Variants in KCTD1 observed in about 807,000 individuals in gnomAD.
The protein encoded by KCTD1 is BTB/POZ domain-containing protein KCTD1.
Under a neutral mutation model 66.0 loss-of-function variants are expected in KCTD1, and 24 were observed. That is an observed-to-expected ratio of 0.36 (90% CI 0.26 to 0.51). The LOEUF is 0.51. KCTD1 is among the 20% of genes least tolerant of loss of function. KCTD1 has a pLI of 0.95. For synonymous variants in KCTD1, 511 were observed against 517.2 expected (o/e 0.99, Z 0.16); for missense variants, 943 against 1,205.2 (o/e 0.78, Z 3.22).
At chr18:26,577,265 A>G (rs1268431714) in intron 1 of KCTD1, among the ~76,000 whole-genome samples, 1 of 152,162 alleles carries the variant, frequency 6.6e-6, no homozygotes, top group African/African-American at 2.4e-5. Context: ...AAGGTTTATG[A>G]TATTTACATC....
At position 26,547,336 on chromosome 18, in the gene KCTD1, G is replaced by T. The variant is rs1290280590; in HGVS notation, c.1201C>A (p.Leu401Ile). ...FVKYLSKRNPLCKAFFQRPRD... is the reference protein window; with the variant it reads ...FVKYLSKRNPICKAFFQRPRD... ...GGCCGCTGGAAGAACGCCTTGCAGA[G>T]AGGGTTGCGTTTCGACAGGTACTTG... The change falls in exon 1 of 5, where the codon CTC (leucine) becomes ATC (isoleucine). Residue 401 changes from leucine (L) to isoleucine (I), a missense_variant. Physicochemically the swap from Leu to Ile is conservative, Grantham distance 5. Transcript: ENST00000580059. 2 of 1,551,616 alleles carry T rather than the reference G, an allele frequency of 1.3e-6. No individual in the cohort carries two copies. Among genetic ancestry groups the T allele is most frequent in the Middle Eastern group, 3.3e-4 (2 of 5,990 alleles).
intron 1 of KCTD1, among the ~76,000 whole-genome samples, chr18:26,656,603 G>C (rs1205265411): frequency 6.6e-6 from 1 of 151,440 alleles, no homozygotes. Flanking sequence ...GTCCGGCCCG[G>C]GCAAAAGGGG....
At chr18:26,605,724 ATATCTATCTATCTATCTATC>A (rs10680402) in intron 1 of KCTD1, among the ~76,000 whole-genome samples, 8 of 136,044 alleles carry the variant, frequency 5.9e-5, no homozygotes, top group African/African-American at 1.4e-4. Context: ...ATATATCTCT[ATATCTATCTATCTATCTATC>A]TATCTATCTA....
intron 1 of KCTD1, among the ~76,000 whole-genome samples, chr18:26,612,063 C>T (rs2438418): frequency 0.29 from 43,591 of 151,950 alleles, 6,310 homozygotes; most frequent in South Asian, 0.36. Flanking sequence ...CCTGTGTGAG[C>T]ACTGGGCACG....
At chr18:26,549,883 C>A, upstream of KCTD1, 1 of 855,946 alleles carries the variant, frequency 1.2e-6, no homozygotes, top group Non-Finnish European at 1.4e-6. Flanking sequence ...CAAACGCCCG[C>A]CCCCGGCGCG....
At chr18:26,622,480 C>T (rs1568012539) in intron 1 of KCTD1, among the ~76,000 whole-genome samples, 1 of 152,178 alleles carries the variant, frequency 6.6e-6, no homozygotes, top group Admixed American at 6.5e-5. Context: ...CTGAATGTCA[C>T]CTACACCCAA....
intron 1 of KCTD1, among the ~76,000 whole-genome samples, chr18:26,595,357 T>C (rs1986742321): frequency 6.6e-6 from 1 of 152,208 alleles, no homozygotes; most frequent in Non-Finnish European, 1.5e-5. Context: ...TCTCCATTCT[T>C]CAGTAGAAAC....
At chr18:26,603,516 G>A (rs7242496) in intron 1 of KCTD1, among the ~76,000 whole-genome samples, 10,256 of 151,628 alleles carry the variant, frequency 0.068, 401 homozygotes, top group South Asian at 0.14. Context: ...CGAGGTGGGC[G>A]GATCACCTGA....
At chr18:26,526,736 C>T (rs551792018) in intron 1 of KCTD1, among the ~76,000 whole-genome samples, 1 of 152,178 alleles carries the variant, frequency 6.6e-6, no homozygotes, top group Admixed American at 6.5e-5. Flanking sequence ...GAGCCAATCC[C>T]ACTTGAGAAA....
intron 1 of KCTD1, among the ~76,000 whole-genome samples, chr18:26,516,696 T>C (rs1470169791): frequency 6.6e-6 from 1 of 152,194 alleles, no homozygotes; most frequent in Non-Finnish European, 1.5e-5. Flanking sequence ...CCACAGTACT[T>C]CATGAAATCC....
In KCTD1 at chr18:26,656,026, G is replaced by A. The variant is rs184535879; in HGVS notation, c.9+1334C>T. On this transcript the variant is annotated intron_variant, in intron 1 of 4. Transcript: ENST00000580191. ...CACTTCACATTCAATAAAGAAGGGT[G>A]GCGGGAGTGGGTAGGGGGGCGGCGG... 3.0e-3 allele frequency among the ~76,000 whole-genome samples: 462 copies of A among 152,310 alleles called. 2 individuals carry two copies. The highest frequency in any genetic ancestry group is 0.01 in the African/African-American group (425 of 41,580).
upstream of KCTD1, among the ~76,000 whole-genome samples, chr18:26,630,617 G>C (rs562741294): frequency 6.6e-6 from 1 of 152,236 alleles, no homozygotes; most frequent in African/African-American, 2.4e-5. Context: ...TTATAGGCAT[G>C]AGCCACTGTG....
chr18:26,528,901 A>C (rs1039088865), intron 1 of KCTD1, among the ~76,000 whole-genome samples: 1 of 152,104 alleles, frequency 6.6e-6, no homozygotes, highest in African/African-American at 2.4e-5. Context: ...CAGTTTCTTG[A>C]GGCCCTCTTC....
chr18:26,618,097 T>TAA (rs1295160624), intron 1 of KCTD1, among the ~76,000 whole-genome samples: 8 of 146,364 alleles, frequency 5.5e-5, no homozygotes, highest in African/African-American at 1.0e-4. Context: ...GACCTAGGTT[T>TAA]AAAAAAAAAC....
chr18:26,457,881 A>ATATC (rs999228070), intron 4 of KCTD1: 1 of 152,182 alleles, frequency 6.6e-6, no homozygotes, highest in Non-Finnish European at 1.5e-5. Flanking sequence ...GAAAATTTCC[A>ATATC]TATCTGATGT....
intron 1 of KCTD1, among the ~76,000 whole-genome samples, chr18:26,570,191 A>AAAAT (rs776923644): frequency 0.016 from 2,126 of 132,502 alleles, 26 homozygotes; most frequent in Middle Eastern, 0.038. Context: ...ATCTAAAAAA[A>AAAAT]ATATATATAT....
intron 2 of KCTD1, among the ~76,000 whole-genome samples, chr18:26,477,469 G>A (rs1981409386): frequency 6.6e-6 from 1 of 152,200 alleles, no homozygotes; most frequent in Admixed American, 6.5e-5. Context: ...TATATACTCA[G>A]TTAATACAAG....
At chr18:26,585,268 T>G (rs947383635) in intron 1 of KCTD1, among the ~76,000 whole-genome samples, 2 of 152,206 alleles carry the variant, frequency 1.3e-5, no homozygotes, top group Non-Finnish European at 2.9e-5. Flanking sequence ...ACAAACACAT[T>G]TTCAATTATG....
chr18:26,473,910 T>G (rs774950547), intron 3 of KCTD1, among the ~76,000 whole-genome samples: 19 of 152,220 alleles, frequency 1.2e-4, no homozygotes, highest in Non-Finnish European at 1.9e-4. Flanking sequence ...AAAATAAATG[T>G]GCACATGATG....
Sources: allele counts gnomAD v4.1 joint callset (sites outside exome capture counted in the v4.1 genomes callset), GRCh38; gene constraint gnomAD v4.1.1; transcripts MANE v1.5; gene names NCBI Gene and HGNC (gene_info 2026-07-23, HGNC 2026-07-21).